The following DMGDH variants were observed in gnomAD, a reference collection of about 807,000 sequenced individuals.
The protein encoded by DMGDH is dimethylglycine dehydrogenase, also known as dimethylglycine dehydrogenase, mitochondrial.
In DMGDH, 76 loss-of-function variants were observed where a neutral mutation model predicts 95.2. The observed-to-expected ratio is 0.80, with a 90% CI of 0.66 to 0.97. DMGDH has a LOEUF of 0.97. Ranked by LOEUF, DMGDH falls within the 50% of genes least tolerant of loss-of-function variation. The pLI is 0.00. For synonymous variants in DMGDH, 345 were observed against 377.6 expected, an observed-to-expected ratio of 0.91 and a Z score of 1.00; for missense variants, 987 against 1,055.0, an observed-to-expected ratio of 0.94 and a Z score of 0.89.
chr5:79,028,564 C>G lies in DMGDH; in HGVS notation c.1901G>C (p.Gly634Ala). 6.2e-7 allele frequency: 1 copy of G among 1,613,994 alleles called. No individual in the cohort carries two copies. Among genetic ancestry groups the G allele is most frequent in the Non-Finnish European group, 8.5e-7 (1 of 1,180,008 alleles). Reference sequence around the variant, plus strand: ...CTGAAGGACCTTTCTTGCCTGTGGCCCAGCAACTCCAAGAACTCCAAGCTC... The same window carrying G: ...CTGAAGGACCTTTCTTGCCTGTGGCGCAGCAACTCCAAGAACTCCAAGCTC... ...TDELGVLGVA[G>A]PQARKVLQKL... Residue 634 changes from glycine (G) to alanine (A), a missense_variant, in exon 12 of 16, where the codon GGG becomes GCG. By Grantham distance (60) the Gly-to-Ala change is moderately conservative. Coordinates refer to ENST00000255189, the MANE Select transcript of DMGDH (RefSeq NM_013391.3).
Position 79,069,572 on chromosome 5 carries a change from A to AGCTCCGCAGCAGGAG in DMGDH, c.34_48dup (p.Leu12_Ser16dup). 1 of 1,349,314 alleles carries AGCTCCGCAGCAGGAG rather than the reference A, an allele frequency of 7.4e-7. No individual in the cohort carries two copies. The highest frequency in any genetic ancestry group is 9.5e-7 in the Non-Finnish European group (1 of 1,051,512). 83.6% of individuals were successfully genotyped at this position (1,349,314 alleles called of 1,614,324 possible). ...CGCCCGGGGGAGCCCTGCAGCGGGCAGCTCCGCAGCAGGAGGCCCCGCAGC... is the reference window on the plus strand; with the variant it reads ...CGCCCGGGGGAGCCCTGCAGCGGGCAGCTCCGCAGCAGGAGGCTCCGCAGCAGGAGGCCCCGCAGC... On this transcript the variant is annotated inframe_insertion, in exon 1 of 16. Transcript: ENST00000255189.
intron 15 of DMGDH, chr5:79,000,051 G>T: frequency 3.0e-6 from 1 of 330,606 alleles, no homozygotes; most frequent in Non-Finnish European, 5.9e-6. Flanking sequence ...TGTCACCTCA[G>T]CCCATAACTG....
chr5:79,052,394 T>C (rs1754894927), intron 4 of DMGDH, among the ~76,000 whole-genome samples: 1 of 152,220 alleles, frequency 6.6e-6, no homozygotes, highest in African/African-American at 2.4e-5. Context: ...CTTCTCTACA[T>C]ATCTGGTCAA....
intron 14 of DMGDH, 62 bp downstream of exon 14, chr5:79,024,209 G>T: frequency 6.8e-7 from 1 of 1,478,078 alleles, no homozygotes; most frequent in Non-Finnish European, 9.5e-7. Context: ...GAATGGCTCT[G>T]TCACAAAATA....
chr5:79,010,947 T>G (rs1753638737), intron 14 of DMGDH, among the ~76,000 whole-genome samples: 1 of 152,162 alleles, frequency 6.6e-6, no homozygotes, highest in Non-Finnish European at 1.5e-5. Flanking sequence ...CCTGAAAAGC[T>G]TCTCATTTAG....
chr5:79,043,103 G>T (rs1429995372), intron 6 of DMGDH, among the ~76,000 whole-genome samples: 1 of 152,122 alleles, frequency 6.6e-6, no homozygotes, highest in Non-Finnish European at 1.5e-5. Context: ...GCTTCTAAAA[G>T]AATGTCTCTA....
chr5:79,005,380 G>T lies in DMGDH; in HGVS notation c.2278C>A (p.Leu760Met). The T allele has an allele frequency of 6.2e-7, 1 of 1,614,114 alleles. No homozygotes were observed. Among genetic ancestry groups the T allele is most frequent in the Non-Finnish European group, 8.5e-7 (1 of 1,180,020 alleles). ...KPADFIGKQA[L>M]KQIKAKGLKR... is the part of the protein sequence containing the mutation. ...AGCCCCTTGGCTTTAATCTGTTTCA[G>T]TGCTTGCTTTCCTATGAAGTCTGCT... Residue 760 changes from leucine to methionine, a missense_variant, in exon 15 of 16, where the codon CTG becomes ATG. Leu to Met is a conservative substitution (Grantham distance 15). Transcript: ENST00000255189.
chr5:79,030,938 C>T lies in DMGDH; in HGVS notation c.1578G>A (p.Met526Ile), dbSNP rs1554035529. 4 of 1,614,144 alleles carry T rather than the reference C, an allele frequency of 2.5e-6. No homozygotes were observed. The African/African-American group carries it at 5.3e-5, about 22-fold the overall frequency. Reference sequence around the variant, plus strand: ...ATAGGTCAGTTACCGCTACTCTTTGCATAACCTGTTTATACTCCGAGCCCA... The same window carrying T: ...ATAGGTCAGTTACCGCTACTCTTTGTATAACCTGTTTATACTCCGAGCCCA... ...EPVGSEYKQV[M>I]QRVAVTDLSP... Residue 526 changes from methionine (M) to isoleucine (I), a missense_variant, in exon 10 of 16, where the codon ATG becomes ATA. Coordinates refer to ENST00000255189, the MANE Select transcript of DMGDH (RefSeq NM_013391.3).
chr5:79,037,007 C>A (rs887339644), intron 7 of DMGDH, among the ~76,000 whole-genome samples: 7 of 152,024 alleles, frequency 4.6e-5, no homozygotes, highest in Non-Finnish European at 7.4e-5. Flanking sequence ...AGAGAGCTTG[C>A]TTTCTCTCCA....
chr5:79,056,071 C>T (rs16876411), intron 2 of DMGDH, among the ~76,000 whole-genome samples, 163 bp from the exon 3 acceptor site: 10,843 of 152,234 alleles, frequency 0.071, 860 homozygotes, highest in African/African-American at 0.18. Flanking sequence ...CACACCAGAG[C>T]ATAAGGCTCA....
Position 79,044,478 on chromosome 5 carries a change from C to A in DMGDH, c.820G>T (p.Val274Phe), listed in dbSNP as rs200906362. The change falls in exon 6 of 16, where the codon GTT (valine) becomes TTT (phenylalanine). Residue 274 changes from valine (V) to phenylalanine (F), a missense_variant. By Grantham distance (50) the Val-to-Phe change is conservative. Transcript: ENST00000255189. Reference protein sequence around the residue: ...PLIPVQHQYVVTSTISEVKAL... With the variant: ...PLIPVQHQYVFTSTISEVKAL... ...TTCACTTCAGATATAGTCGATGTAA[C>A]AACATATTGATGTTGAACCGGAATG... is the stretch of plus-strand genomic sequence containing the variant. The A allele has an allele frequency of 5.0e-6, 8 of 1,614,142 alleles. No individual in the cohort carries two copies. The highest frequency in any genetic ancestry group is 1.1e-5 in the South Asian group (1 of 91,072).
chr5:79,032,562 G>A, intron 9 of DMGDH, 125 bp downstream of exon 9: 1 of 1,369,768 alleles, frequency 7.3e-7, no homozygotes, highest in Non-Finnish European at 1.0e-6. Flanking sequence ...ATTTTTGTAG[G>A]ACAAAGCTCA....
chr5:79,032,589 G>T, intron 9 of DMGDH, 98 bp downstream of exon 9: 1 of 1,500,270 alleles, frequency 6.7e-7, no homozygotes, highest in South Asian at 1.1e-5. Flanking sequence ...CTTGGAACAG[G>T]GTGGAGCAAT....
intron 5 of DMGDH, among the ~76,000 whole-genome samples, chr5:79,046,440 T>C (rs1430234600): frequency 6.6e-6 from 1 of 151,842 alleles, no homozygotes; most frequent in African/African-American, 2.4e-5. Context: ...TGTAATGGAG[T>C]GTAGTGGCGC....
intron 7 of DMGDH, among the ~76,000 whole-genome samples, chr5:79,039,842 T>C (rs2112641193): frequency 6.6e-6 from 1 of 152,234 alleles, no homozygotes; most frequent in African/African-American, 2.4e-5. Context: ...GAAACCTCCA[T>C]AAAGACCTAG....
chr5:79,001,029 T>C, intron 15 of DMGDH: 2 of 697,308 alleles, frequency 2.9e-6, no homozygotes, highest in Admixed American at 2.2e-5. Flanking sequence ...GGCACAGTCA[T>C]CAATGACACA....
chr5:79,050,419 G>A (rs922435861), intron 5 of DMGDH, among the ~76,000 whole-genome samples: 44 of 151,700 alleles, frequency 2.9e-4, no homozygotes, highest in African/African-American at 1.0e-3. Flanking sequence ...TATAATTTAA[G>A]CAAGAGCTCA....
intron 14 of DMGDH, among the ~76,000 whole-genome samples, chr5:79,012,821 T>C (rs1753668036): frequency 6.6e-6 from 1 of 152,216 alleles, no homozygotes; most frequent in Admixed American, 6.5e-5. Flanking sequence ...GGGAGCAGTG[T>C]CCCAATGCCA....
chr5:79,000,815 C>A, intron 15 of DMGDH: 1 of 629,494 alleles, frequency 1.6e-6, no homozygotes, highest in South Asian at 1.8e-5. Flanking sequence ...AGCAGGTACT[C>A]TCACCGAACC....
Sources: gnomAD v4.1 joint callset for allele counts (sites outside exome capture counted in the v4.1 genomes callset) on GRCh38, gnomAD v4.1.1 for gene constraint, MANE v1.5 for transcripts, NCBI Gene and HGNC (gene_info 2026-07-23, HGNC 2026-07-21) for gene names.